The following SLC34A1 variants were observed in gnomAD, a reference collection of about 807,000 sequenced individuals.
SLC34A1 encodes sodium-dependent phosphate transport protein 2A.
Under a neutral mutation model 51.4 loss-of-function variants are expected in SLC34A1, and 57 were observed. The observed-to-expected ratio is 1.11, with a 90% confidence interval of 0.90 to 1.38. The LOEUF (loss-of-function observed/expected upper bound fraction) is 1.38. Ranked by LOEUF, SLC34A1 falls within the 40% of genes most tolerant of loss-of-function variation. SLC34A1 has a pLI of 0.00. For missense variants in SLC34A1, 796 were observed against 835.6 expected (o/e 0.95, Z 0.58); for synonymous variants, 368 against 358.0 (o/e 1.03, Z -0.32).
Position 177,397,237 on chromosome 5 carries a change from C to A in SLC34A1, c.1416+163C>A, listed in dbSNP as rs977730624. 8.2e-5 allele frequency: 64 copies of A among 780,708 alleles called. No individual in the cohort carries two copies. In the African/African-American group the frequency reaches 9.9e-4, roughly 12 times the overall value. 48.4% of individuals were successfully genotyped at this position (780,708 alleles called of 1,614,324 possible). On this transcript the variant is annotated intron_variant, in intron 12 of 12. Coordinates refer to ENST00000324417, the MANE Select transcript of SLC34A1 (RefSeq NM_003052.5). ...ATGGGCAAAGTAGACCCAATACCAC[C>A]CTCGAGACCTTAGCATCTAATAGGG...
chr5:177,386,073 G>A lies in SLC34A1; in HGVS notation c.196G>A (p.Glu66Lys), dbSNP rs762932475. 1 of 1,611,972 alleles carries A rather than the reference G, an allele frequency of 6.2e-7. No homozygotes were observed. Among genetic ancestry groups the A allele is most frequent in the East Asian group, 2.2e-5 (1 of 44,836 alleles). The part of the protein sequence containing the change: ...ALAEHTCPCG[E>K]VLERHEPLPA... ...TGCTGAGCACACCTGCCCCTGTGGGGAGGTCCTGGAGCGCCATGAACCACT... is the reference window on the plus strand; with the variant it reads ...TGCTGAGCACACCTGCCCCTGTGGGAAGGTCCTGGAGCGCCATGAACCACT... Residue 66 changes from glutamate to lysine, a missense_variant, in exon 3 of 13, where the codon GAG (glutamate) becomes AAG (lysine). Coordinates refer to ENST00000324417, the MANE Select transcript of SLC34A1 (RefSeq NM_003052.5). The surrounding 1 kb of genome is among the most constrained non-coding windows in gnomAD (Gnocchi z 4.8).
In SLC34A1 at chr5:177,388,094, CGACTT is replaced by C; in HGVS notation, c.747_751del (p.Leu250GlyfsTer11). 2 of 1,614,086 alleles carry C rather than the reference CGACTT, an allele frequency of 1.2e-6. No individual in the cohort carries two copies. The highest frequency in any genetic ancestry group is 1.7e-6 in the Non-Finnish European group (2 of 1,179,972). On this transcript the variant is annotated frameshift_variant, in exon 7 of 13. Transcript: ENST00000324417. LOFTEE classifies it high-confidence loss of function. The surrounding 1 kb of genome is among the most constrained non-coding windows in gnomAD (Gnocchi z 4.3). ...CACTGGCTACCTGCACCACATCACT[CGACTT>C]GTGGTGGCCTCCTTCAACATCCATG...
intron 8 of SLC34A1, among the ~76,000 whole-genome samples, 193 bp from the exon 9 acceptor site, chr5:177,393,501 T>C (rs1277091871): frequency 2.0e-5 from 3 of 151,996 alleles, no homozygotes; most frequent in Non-Finnish European, 4.4e-5. Flanking sequence ...GAGGACCAGA[T>C]TCTTGTGTGG....
chr5:177,396,979 T>C lies in SLC34A1; in HGVS notation c.1321T>C (p.Tyr441His). Residue 441 changes from tyrosine (Y) to histidine (H), a missense_variant, in exon 12 of 13, where the codon TAC becomes CAC. Physicochemically the swap from Tyr to His is moderately conservative, Grantham distance 83. Transcript: ENST00000324417. The surrounding 1 kb of genome is among the most constrained non-coding windows in gnomAD (Gnocchi z 4.0). The stretch of plus-strand genomic sequence containing the variant: ...TGGTGTGATCAGCATTGAGAGGGCC[T>C]ACCCGCTCACACTGGGTTCCAACAT... Reference protein sequence around the residue: ...GLGVISIERAYPLTLGSNIGT... With the variant: ...GLGVISIERAHPLTLGSNIGT... 1 of 1,614,152 alleles carries C rather than the reference T, an allele frequency of 6.2e-7. No homozygotes were observed. Among genetic ancestry groups the C allele is most frequent in the Non-Finnish European group, 8.5e-7 (1 of 1,180,010 alleles).
At position 177,386,285 on chromosome 5, in the gene SLC34A1, C is replaced by T; in HGVS notation, c.324C>T (p.Leu108=). 5 of 1,614,250 alleles carry T rather than the reference C, an allele frequency of 3.1e-6. No individual in the cohort carries two copies. Among genetic ancestry groups the T allele is most frequent in the Non-Finnish European group, 4.2e-6 (5 of 1,180,044 alleles). ...TGCTGCTCAAGGTGCCACTGATGCT[C>T]ACCTTCCTCTACCTCTTCGTCTGCT... ...GAMLLKVPLM[L]TFLYLFVCSL... The change falls in exon 4 of 13, where the codon CTC becomes CTT. Residue 108 remains leucine (L), a synonymous_variant. Transcript: ENST00000324417. The surrounding 1 kb of genome is among the most constrained non-coding windows in gnomAD (Gnocchi z 4.8).
At position 177,394,122 on chromosome 5, in the gene SLC34A1, C is replaced by T. The variant is rs751768964; in HGVS notation, c.1101C>T (p.Ile367=). The T allele has an allele frequency of 1.9e-6, 3 of 1,614,108 alleles. No homozygotes were observed. Among genetic ancestry groups the T allele is most frequent in the Non-Finnish European group, 2.5e-6 (3 of 1,180,024 alleles). The change falls in exon 10 of 13, where the codon ATC becomes ATT. Residue 367 remains isoleucine (I), a synonymous_variant. Coordinates refer to ENST00000324417, the MANE Select transcript of SLC34A1 (RefSeq NM_003052.5). ...GSLVLLCTCL[I]LLVKMLNSLL... ...TGGTGCTGCTGTGCACCTGCCTCAT[C>T]CTCCTAGTCAAGATGCTCAACTCCC...
chr5:177,389,543 A>G lies in SLC34A1; in HGVS notation c.936+1171A>G, dbSNP rs2127349683. The G allele has an allele frequency of 3.4e-6, 5 of 1,468,546 alleles. No individual in the cohort carries two copies. The East Asian group carries it at 1.2e-4, about 37-fold the overall frequency. The allele number at this position is 1,468,546 out of a possible 1,614,324, so 91.0% of individuals were successfully genotyped here. A position where few individuals can be genotyped will look rare whatever the true frequency, so the allele number is the denominator to read the frequency against. On this transcript the variant is annotated intron_variant, in intron 8 of 12. Transcript: ENST00000324417. ...ACCCCTGCGGGCAGCTTTTACGCTG[A>G]CTTCATGACCTCTTTAATACATCAA...
intron 1 of SLC34A1, among the ~76,000 whole-genome samples, chr5:177,384,984 C>T (rs922364035): frequency 2.0e-5 from 3 of 152,194 alleles, no homozygotes; most frequent in Admixed American, 2.0e-4. Context: ...GGGCACTCCA[C>T]CCCAATAGCC....
chr5:177,385,384 T>G (rs571498337), intron 1 of SLC34A1, among the ~76,000 whole-genome samples: 15 of 152,218 alleles, frequency 9.9e-5, no homozygotes, highest in African/African-American at 3.4e-4. Context: ...ACTCATTGAA[T>G]GAGTGAATGG....
In SLC34A1 at chr5:177,388,816, T is replaced by TAGAG. The variant is rs1189450868; in HGVS notation, c.936+446_936+449dup. Among the ~76,000 whole-genome samples the TAGAG allele has an allele frequency of 6.6e-6, 1 of 152,038 alleles. No individual in the cohort carries two copies. Among genetic ancestry groups the TAGAG allele is most frequent in the Non-Finnish European group, 1.5e-5 (1 of 68,010 alleles). ...CAGCGCAACCCTTGGGTTTCACAGG[T>TAGAG]AGAGACACAGGTTCAGAGAGGCTAA... is the stretch of plus-strand genomic sequence containing the variant. On this transcript the variant is annotated intron_variant, in intron 8 of 12. Transcript: ENST00000324417. This position sits in a 1 kb window ranked among gnomAD's most constrained non-coding sequence, Gnocchi z 4.3.
Position 177,397,007 on chromosome 5 carries a change from G to T in SLC34A1, c.1349G>T (p.Gly450Val), listed in dbSNP as rs921128373. The T allele has an allele frequency of 6.2e-7, 1 of 1,614,106 alleles. No individual in the cohort carries two copies. Among genetic ancestry groups the T allele is most frequent in the South Asian group, 1.1e-5 (1 of 91,072 alleles). The stretch of plus-strand genomic sequence containing the variant: ...CCGCTCACACTGGGTTCCAACATCG[G>T]CACCACCACCACGGCCATCCTGGCT... ...AYPLTLGSNI[G>V]TTTTAILAAL... The change falls in exon 12 of 13, where the codon GGC becomes GTC. Residue 450 changes from glycine (G) to valine (V), a missense_variant. Gly to Val is a moderately radical substitution (Grantham distance 109). Coordinates refer to ENST00000324417, the MANE Select transcript of SLC34A1 (RefSeq NM_003052.5).
At position 177,386,382 on chromosome 5, in the gene SLC34A1, T is replaced by C; in HGVS notation, c.388+33T>C. 6.2e-7 allele frequency: 1 copy of C among 1,614,070 alleles called. No individual in the cohort carries two copies. Among genetic ancestry groups the C allele is most frequent in the Non-Finnish European group, 8.5e-7 (1 of 1,180,002 alleles). ...CCGGGTGGAGGAGACCTGGGAGGGG[T>C]TCCTGAAGGGCCTTGGACAACGCTG... On this transcript the variant is annotated intron_variant, in intron 4 of 12. Transcript: ENST00000324417. This position sits in a 1 kb window ranked among gnomAD's most constrained non-coding sequence, Gnocchi z 4.8.
chr5:177,389,334 A>G (rs1458397363), intron 8 of SLC34A1, among the ~76,000 whole-genome samples: 4 of 152,130 alleles, frequency 2.6e-5, no homozygotes, highest in Admixed American at 2.6e-4. Flanking sequence ...AGCACAGCAC[A>G]GCACAGCACA....
chr5:177,393,600 T>C, intron 8 of SLC34A1, 94 bp from the exon 9 acceptor site: 1 of 1,205,456 alleles, frequency 8.3e-7, no homozygotes, highest in East Asian at 2.4e-5. Context: ...AGGAGGCCCA[T>C]CTCCATCTTC....
chr5:177,385,790 C>G lies in SLC34A1; in HGVS notation c.49C>G (p.Pro17Ala), dbSNP rs1301036538. ...RLGSPAVSPLPVRGGHVMRGT... is the reference protein window; with the variant it reads ...RLGSPAVSPLAVRGGHVMRGT... The stretch of plus-strand genomic sequence containing the variant: ...GGGGTCCCCTGCTGTCTCCCCACTC[C>G]CAGTCCGTGGGGGGCATGTGATGCG... The change falls in exon 2 of 13, where the codon CCA becomes GCA. Residue 17 changes from proline (P) to alanine (A), a missense_variant. Pro to Ala is a conservative substitution (Grantham distance 27). Coordinates refer to ENST00000324417, the MANE Select transcript of SLC34A1 (RefSeq NM_003052.5). 6.2e-7 allele frequency: 1 copy of G among 1,613,324 alleles called. No homozygotes were observed. The highest frequency in any genetic ancestry group is 1.3e-5 in the African/African-American group (1 of 75,022).
chr5:177,393,633 C>G, intron 8 of SLC34A1, 61 bp from the exon 9 acceptor site: 1 of 1,550,240 alleles, frequency 6.5e-7, no homozygotes, highest in Non-Finnish European at 8.9e-7. Context: ...TAACTCCCAT[C>G]TCAGCCCCAA....
At position 177,388,476 on chromosome 5, in the gene SLC34A1, A is replaced by T. The variant is rs1475597930; in HGVS notation, c.936+104A>T. The T allele has an allele frequency of 3.1e-6, 3 of 982,352 alleles. No homozygotes were observed. The Admixed American group carries it at 5.8e-5, about 19-fold the overall frequency. The allele number at this position is 982,352 out of a possible 1,614,324, so 60.9% of individuals were successfully genotyped here. On this transcript the variant is annotated intron_variant, in intron 8 of 12. Transcript: ENST00000324417. The surrounding 1 kb of genome is among the most constrained non-coding windows in gnomAD (Gnocchi z 4.3). ...GATAGACCTTGAAGATCATTTAGCC[A>T]GGAGAGGGCAAATATGTGGCCCTTC...
chr5:177,385,784 C>T lies in SLC34A1; in HGVS notation c.43C>T (p.Pro15Ser). The T allele has an allele frequency of 6.2e-7, 1 of 1,613,204 alleles. No individual in the cohort carries two copies. ...GAGGCTGGGGTCCCCTGCTGTCTCC[C>T]CACTCCCAGTCCGTGGGGGGCATGT... is the stretch of plus-strand genomic sequence containing the variant. ...GERLGSPAVS[P>S]LPVRGGHVMR... Residue 15 changes from proline to serine, a missense_variant, in exon 2 of 13, where the codon CCA (proline) becomes TCA (serine). Physicochemically the swap from Pro to Ser is moderately conservative, Grantham distance 74. Transcript: ENST00000324417.
chr5:177,389,822 G>A, intron 8 of SLC34A1: 1 of 1,518,428 alleles, frequency 6.6e-7, no homozygotes, highest in Non-Finnish European at 8.8e-7. Context: ...TCACTCTGGG[G>A]AGGCCGCCCT....
Sources: allele counts gnomAD v4.1 joint callset (sites outside exome capture counted in the v4.1 genomes callset), GRCh38; gene constraint gnomAD v4.1.1; non-coding constraint Gnocchi (gnomAD v3.1); transcripts MANE v1.5; gene names NCBI Gene and HGNC (gene_info 2026-07-23, HGNC 2026-07-21).